Variants in CTNNA2 observed in about 807,000 individuals in gnomAD.
CTNNA2 encodes the protein catenin alpha 2.
CTNNA2 carries 42 observed loss-of-function variants against 101.0 expected under a neutral mutation model. The observed-to-expected ratio is 0.42, with a 90% CI of 0.32 to 0.54. The LOEUF (loss-of-function observed/expected upper bound fraction) is 0.54, where lower values mean the gene tolerates loss of function less well. CTNNA2 is among the 20% of genes least tolerant of loss of function. CTNNA2 has a pLI of 0.14. For missense variants in CTNNA2, 871 were observed against 1,223.1 expected (o/e 0.71, Z 4.29); for synonymous variants, 450 against 456.4 (o/e 0.99, Z 0.18).
intron 18 of CTNNA2, 136 bp downstream of exon 18, chr2:80,619,364 CTTAT>C (rs1670857013): frequency 4.3e-6 from 4 of 927,806 alleles, no homozygotes; most frequent in African/African-American, 1.7e-5. Flanking sequence ...GGGCAAAGGA[CTTAT>C]TTATTCTTTA....
intron 18 of CTNNA2, among the ~76,000 whole-genome samples, chr2:80,622,146 C>G (rs970856794): frequency 1.3e-5 from 2 of 151,908 alleles, no homozygotes; most frequent in East Asian, 3.9e-4. Flanking sequence ...CATATGCTGA[C>G]TGTACTAGAG....
At chr2:79,468,777 T>C (rs527293445) in intron 4 of CTNNA2, among the ~76,000 whole-genome samples, 125 of 152,186 alleles carry the variant, frequency 8.2e-4, no homozygotes, top group African/African-American at 2.7e-3. Context: ...TCCTGAATGA[T>C]TACTGGGTAC....
At chr2:80,297,695 CA>C (rs779896938) in intron 7 of CTNNA2, among the ~76,000 whole-genome samples, 2 of 151,962 alleles carry the variant, frequency 1.3e-5, no homozygotes, top group Admixed American at 1.3e-4. Flanking sequence ...AAAATACTCT[CA>C]AAAAATATAT....
At chr2:80,281,191 A>G (rs1674353665) in intron 7 of CTNNA2, among the ~76,000 whole-genome samples, 1 of 152,166 alleles carries the variant, frequency 6.6e-6, no homozygotes, top group Admixed American at 6.5e-5. Flanking sequence ...GTCCCTGGAT[A>G]CTTGCTCAGG....
intron 1 of CTNNA2, chr2:79,547,431 T>C (rs1673808203): frequency 1.3e-5 from 2 of 152,550 alleles, no homozygotes; most frequent in African/African-American, 2.4e-5. Context: ...TGACACACAA[T>C]AAGGTCAGAG....
At chr2:79,230,374 G>A (rs946062361) in intron 2 of CTNNA2, among the ~76,000 whole-genome samples, 5 of 152,218 alleles carry the variant, frequency 3.3e-5, no homozygotes, top group Non-Finnish European at 7.3e-5. Flanking sequence ...TTGGGCCGTG[G>A]CTTCAGAGGG....
rs1040472717 is a variant in CTNNA2, at chr2:80,240,328, A to G, written c.1057-152883A>G. ...GAATACACAAAATAACTTGAACTCA[A>G]CCCAGATTTGAGAACTTCTATGGTG... On this transcript the variant is annotated intron_variant, in intron 7 of 18. Coordinates refer to ENST00000402739, the MANE Select transcript of CTNNA2 (RefSeq NM_001282597.3). 1.4e-4 allele frequency among the ~76,000 whole-genome samples: 22 copies of G among 152,220 alleles called. No homozygotes were observed. The East Asian group carries it at 1.9e-3, about 13-fold the overall frequency.
At chr2:79,262,455 A>C (rs1674935539) in intron 2 of CTNNA2, among the ~76,000 whole-genome samples, 1 of 152,168 alleles carries the variant, frequency 6.6e-6, no homozygotes, top group African/African-American at 2.4e-5. Context: ...AAATCCTAAA[A>C]AATATTTCAT....
intron 9 of CTNNA2, among the ~76,000 whole-genome samples, chr2:80,532,653 G>A (rs575583608): frequency 2.0e-5 from 3 of 152,200 alleles, no homozygotes; most frequent in African/African-American, 7.2e-5. Context: ...ATAGGGCTTG[G>A]TACTATTTGT....
intron 2 of CTNNA2, among the ~76,000 whole-genome samples, chr2:79,738,085 G>A (rs1347350955): frequency 6.6e-6 from 1 of 152,176 alleles, no homozygotes; most frequent in African/African-American, 2.4e-5. Context: ...GGAGTGGTAG[G>A]TCAACTTTTA....
intron 8 of CTNNA2, among the ~76,000 whole-genome samples, chr2:80,406,985 T>G (rs1246942466): frequency 6.6e-6 from 1 of 152,030 alleles, no homozygotes; most frequent in Non-Finnish European, 1.5e-5. Context: ...TGTTGCCAAA[T>G]CAGCAGGAAA....
intron 3 of CTNNA2, among the ~76,000 whole-genome samples, chr2:79,344,736 A>G (rs1192775887): frequency 6.7e-6 from 1 of 150,186 alleles, no homozygotes; most frequent in Admixed American, 6.7e-5. Context: ...TACATGTTCA[A>G]TCTCTTGCAA....
At position 80,603,898 on chromosome 2, in the gene CTNNA2, C is replaced by A; in HGVS notation, c.2190-176C>A. ...CACATAAAAATATGGGAAAATATTT[C>A]CAAAAACGACTACTAATATAGAAAC... is the stretch of plus-strand genomic sequence containing the variant. On this transcript the variant is annotated intron_variant, in intron 15 of 18. Transcript: ENST00000402739. The A allele has an allele frequency of 7.7e-6, 4 of 519,186 alleles. No individual in the cohort carries two copies. The South Asian group carries it at 1.2e-4, about 16-fold the overall frequency. 32.2% of individuals were successfully genotyped at this position (519,186 alleles called of 1,614,324 possible).
At chr2:80,462,112 C>T (rs879023144) in intron 9 of CTNNA2, among the ~76,000 whole-genome samples, 1 of 152,200 alleles carries the variant, frequency 6.6e-6, no homozygotes, top group Non-Finnish European at 1.5e-5. Context: ...TTTAATTGAA[C>T]TCCTGCTGTA....
At position 80,070,081 on chromosome 2, in the gene CTNNA2, C is replaced by T. The variant is rs180877655; in HGVS notation, c.1056+160284C>T. ...CCCTGGTTAGTCTGGATCAATCAGCCCAGCCAACACTGTAACTCCCTTCTC... is the reference window on the plus strand; with the variant it reads ...CCCTGGTTAGTCTGGATCAATCAGCTCAGCCAACACTGTAACTCCCTTCTC... On this transcript the variant is annotated intron_variant, in intron 7 of 18. Coordinates refer to ENST00000402739, the MANE Select transcript of CTNNA2 (RefSeq NM_001282597.3). 2.0e-5 allele frequency among the ~76,000 whole-genome samples: 3 copies of T among 152,262 alleles called. No homozygotes were observed. In the East Asian group the frequency reaches 5.8e-4, roughly 29 times the overall value.
At chr2:80,364,176 G>A (rs901831853) in intron 7 of CTNNA2, among the ~76,000 whole-genome samples, 1 of 152,124 alleles carries the variant, frequency 6.6e-6, no homozygotes, top group Non-Finnish European at 1.5e-5. Flanking sequence ...TGCCTCAGGA[G>A]AAAGCTGTAC....
At chr2:80,092,130 A>T (rs1366845397) in intron 7 of CTNNA2, among the ~76,000 whole-genome samples, 2 of 152,010 alleles carry the variant, frequency 1.3e-5, no homozygotes, top group African/African-American at 2.4e-5. Context: ...GTTTGCTGGG[A>T]TTCCCTTTTA....
intron 7 of CTNNA2, among the ~76,000 whole-genome samples, chr2:80,299,881 T>C (rs1368794254): frequency 1.3e-5 from 2 of 152,164 alleles, no homozygotes; most frequent in Non-Finnish European, 2.9e-5. Flanking sequence ...CAAAGCAGCT[T>C]TGGGCGCTGG....
At chr2:79,982,649 A>G (rs1199323468) in intron 7 of CTNNA2, among the ~76,000 whole-genome samples, 1 of 151,868 alleles carries the variant, frequency 6.6e-6, no homozygotes, top group Non-Finnish European at 1.5e-5. Flanking sequence ...AATGACAACT[A>G]TGTGCTATGC....
Sources: allele counts gnomAD v4.1 joint callset (sites outside exome capture counted in the v4.1 genomes callset), GRCh38; gene constraint gnomAD v4.1.1; transcripts MANE v1.5; gene names NCBI Gene and HGNC (gene_info 2026-07-23, HGNC 2026-07-21).